C10orf88: variants seen among roughly 807,000 people sequenced by gnomAD.
The protein encoded by C10orf88 is ATPase PAAT.
A neutral mutation model predicts 34.2 loss-of-function variants in C10orf88; 29 were observed. The observed-to-expected ratio is 0.85, with a 90% confidence interval of 0.63 to 1.16. C10orf88 has a LOEUF of 1.16. Ranked by LOEUF, C10orf88 falls within the 50% of genes most tolerant of loss-of-function variation. The pLI is 0.00. For missense variants in C10orf88, 507 were observed against 533.2 expected, an observed-to-expected ratio of 0.95 and a Z score of 0.48; for synonymous variants, 194 against 197.4, an observed-to-expected ratio of 0.98 and a Z score of 0.15.
chr10:122,930,998 G>A lies in C10orf88; in HGVS notation c.*1429C>T, dbSNP rs1001884075. The A allele has an allele frequency of 2.7e-5, 4 of 149,038 alleles. No homozygotes were observed. The highest frequency in any genetic ancestry group is 2.9e-5 in the Non-Finnish European group (2 of 68,004). The allele number at this position is 149,038 out of a possible 1,614,324, so 9.2% of individuals were successfully genotyped here. A position where few individuals can be genotyped will look rare whatever the true frequency, so the allele number is the denominator to read the frequency against. ...ACTTTTCAACTAATGAGGAGTGAGG[G>A]GGTTAAAATATAATTTTTCTAATAA... On this transcript the variant is annotated 3_prime_UTR_variant, in exon 6 of 6. Coordinates refer to ENST00000481909, the MANE Select transcript of C10orf88 (RefSeq NM_024942.4).
At chr10:122,950,061 G>A (rs1202442880) in intron 3 of C10orf88, among the ~76,000 whole-genome samples, 2 of 152,160 alleles carry the variant, frequency 1.3e-5, no homozygotes, top group Non-Finnish European at 1.5e-5. Context: ...GACATTTCAT[G>A]TATGGTACAG....
chr10:122,934,644 T>A (rs548210533), intron 5 of C10orf88, among the ~76,000 whole-genome samples: 2 of 152,304 alleles, frequency 1.3e-5, no homozygotes, highest in African/African-American at 4.8e-5. Flanking sequence ...AGTTTCTGTG[T>A]GGACCTGAGC....
chr10:122,932,876 G>T (rs545637272), intron 5 of C10orf88, among the ~76,000 whole-genome samples: 2 of 152,140 alleles, frequency 1.3e-5, no homozygotes, highest in East Asian at 3.9e-4. Context: ...GTATACAATT[G>T]AACAGAAATG....
At chr10:122,938,603 G>A (rs967402874) in intron 4 of C10orf88, among the ~76,000 whole-genome samples, 5 of 151,874 alleles carry the variant, frequency 3.3e-5, no homozygotes, top group East Asian at 3.9e-4. Context: ...GTCAAAATAC[G>A]GTAAGTTACT....
intron 3 of C10orf88, among the ~76,000 whole-genome samples, chr10:122,951,593 A>C (rs943469950): frequency 9.6e-4 from 146 of 152,286 alleles, no homozygotes; most frequent in Non-Finnish European, 1.5e-4. Flanking sequence ...TTCAATGTTA[A>C]AAAGGGCTGA....
At chr10:122,939,833 G>A (rs769526783) in intron 4 of C10orf88, among the ~76,000 whole-genome samples, 1 of 151,936 alleles carries the variant, frequency 6.6e-6, no homozygotes, top group East Asian at 1.9e-4. Context: ...TAAGTAGGCA[G>A]AACATTTAAA....
chr10:122,945,139 C>A (rs969831435), intron 4 of C10orf88, among the ~76,000 whole-genome samples: 7 of 151,480 alleles, frequency 4.6e-5, no homozygotes, highest in African/African-American at 1.7e-4. Context: ...ATGTTTTGGT[C>A]CACAATGGAC....
At chr10:122,942,747 C>T (rs1008054007) in intron 4 of C10orf88, among the ~76,000 whole-genome samples, 19 of 151,152 alleles carry the variant, frequency 1.3e-4, no homozygotes, top group African/African-American at 4.6e-4. Flanking sequence ...AACAGAGAGC[C>T]AAATCATGAG....
chr10:122,939,410 T>C, intron 4 of C10orf88, among the ~76,000 whole-genome samples: 1 of 151,736 alleles, frequency 6.6e-6, no homozygotes, highest in East Asian at 1.9e-4. Context: ...GAGATGGTGA[T>C]AAATACTTTA....
rs779792141 is a variant in C10orf88, at chr10:122,937,775, G to A, written c.1033C>T (p.Leu345Phe). ...LQNLCSQVNH[L>F]HVGNKTECQE... ...CACTCGGTCTTATTTCCCACATGGA[G>A]ATGATTAACTTGACTACATAAATTC... The change falls in exon 5 of 6, where the codon CTC (leucine) becomes TTC (phenylalanine). Residue 345 changes from leucine (L) to phenylalanine (F), a missense_variant. Transcript: ENST00000481909. 1 of 1,613,004 alleles carries A rather than the reference G, an allele frequency of 6.2e-7. No individual in the cohort carries two copies. Among genetic ancestry groups the A allele is most frequent in the African/African-American group, 1.3e-5 (1 of 74,872 alleles).
At position 122,931,694 on chromosome 10, in the gene C10orf88, G is replaced by T. The variant is rs949097536; in HGVS notation, c.*733C>A. 1 of 152,094 alleles carries T rather than the reference G, an allele frequency of 6.6e-6. No individual in the cohort carries two copies. The highest frequency in any genetic ancestry group is 1.5e-5 in the Non-Finnish European group (1 of 68,000). 9.4% of individuals were successfully genotyped at this position (152,094 alleles called of 1,614,324 possible). A position where few individuals can be genotyped will look rare whatever the true frequency, so the allele number is the denominator to read the frequency against. ...AAACATGCCAGAAAAGGATTCTGGG[G>T]AAAAAACCTGTATCAGCTCAAAAGG... is the stretch of plus-strand genomic sequence containing the variant. On this transcript the variant is annotated 3_prime_UTR_variant, in exon 6 of 6. Transcript: ENST00000481909.
Position 122,953,696 on chromosome 10 carries a change from T to G in C10orf88, c.164+319A>C, listed in dbSNP as rs74159930. ...AGCCTGTTTTGGTGGACAGGAGGTG[T>G]CTTGTTTGAGGGTAGAGGGGCGGAC... is the stretch of plus-strand genomic sequence containing the variant. On this transcript the variant is annotated intron_variant, in intron 1 of 5. Coordinates refer to ENST00000481909, the MANE Select transcript of C10orf88 (RefSeq NM_024942.4). 1.0e-2 allele frequency among the ~76,000 whole-genome samples: 1,518 copies of G among 152,282 alleles called. 24 individuals are homozygous for G. The highest frequency in any genetic ancestry group is 0.034 in the African/African-American group (1,420 of 41,552).
intron 3 of C10orf88, among the ~76,000 whole-genome samples, chr10:122,950,227 C>G (rs897999289): frequency 5.3e-5 from 8 of 152,228 alleles, no homozygotes; most frequent in Non-Finnish European, 8.8e-5. Flanking sequence ...AATGATTTCA[C>G]ATAGTTGTTG....
At chr10:122,933,506 T>A (rs1434124681) in intron 5 of C10orf88, 4 of 152,174 alleles carry the variant, frequency 2.6e-5, no homozygotes, top group African/African-American at 9.6e-5. Context: ...CCACAGAACC[T>A]TGGGGTCTCC....
In C10orf88 at chr10:122,937,820, C is replaced by T. The variant is rs140611786; in HGVS notation, c.988G>A (p.Glu330Lys). The change falls in exon 5 of 6, where the codon GAG becomes AAG. Residue 330 changes from glutamate (E) to lysine (K), a missense_variant. Physicochemically the swap from Glu to Lys is moderately conservative, Grantham distance 56 (BLOSUM62 1). Transcript: ENST00000481909. Reference sequence around the variant, plus strand: ...AAATTCTGGAGAAAAGGCAGCAACTCGGAGTTGGGTATATTTGAGTTGTCA... The same window carrying T: ...AAATTCTGGAGAAAAGGCAGCAACTTGGAGTTGGGTATATTTGAGTTGTCA... ...VSDNSNIPNS[E>K]LLPFLQNLCS... The T allele has an allele frequency of 4.3e-6, 7 of 1,612,966 alleles. No homozygotes were observed. The highest frequency in any genetic ancestry group is 4.5e-5 in the East Asian group (2 of 44,870).
chr10:122,949,905 C>T (rs1848675119), intron 3 of C10orf88, among the ~76,000 whole-genome samples: 1 of 152,150 alleles, frequency 6.6e-6, no homozygotes, highest in South Asian at 2.1e-4. Context: ...TGCTGGATTA[C>T]ACATAGAAAT....
chr10:122,940,836 C>A (rs568234395), intron 4 of C10orf88, among the ~76,000 whole-genome samples: 2 of 151,998 alleles, frequency 1.3e-5, no homozygotes, highest in South Asian at 4.2e-4. Context: ...TTATTGATAT[C>A]CTTTCAAGTG....
At chr10:122,953,117 GC>G in intron 1 of C10orf88, 85 bp from the exon 2 acceptor site, 1 of 1,146,016 alleles carries the variant, frequency 8.7e-7, no homozygotes, top group Non-Finnish European at 1.3e-6. Context: ...TGGCTCTGTC[GC>G]CCAGGCTGGA....
intron 4 of C10orf88, among the ~76,000 whole-genome samples, chr10:122,945,835 G>A (rs572358902): frequency 6.6e-6 from 1 of 152,274 alleles, no homozygotes; most frequent in South Asian, 2.1e-4. Flanking sequence ...GTTCACGCCT[G>A]TAATCCCACC....
Sources: gnomAD v4.1 joint callset for allele counts (sites outside exome capture counted in the v4.1 genomes callset) on GRCh38, gnomAD v4.1.1 for gene constraint, MANE v1.5 for transcripts, NCBI Gene and HGNC (gene_info 2026-07-23, HGNC 2026-07-21) for gene names.